PTPRN2: variants seen among roughly 807,000 people sequenced by gnomAD.
PTPRN2 encodes the protein protein tyrosine phosphatase receptor type N2, also known as receptor-type tyrosine-protein phosphatase N2.
Under a neutral mutation model 118.8 loss-of-function variants are expected in PTPRN2, and 74 were observed. That is an observed-to-expected ratio of 0.62 (90% CI 0.52 to 0.76). The LOEUF (loss-of-function observed/expected upper bound fraction) is 0.76. Among genes scored for constraint, PTPRN2 ranks in the 30% least tolerant of loss-of-function variants. The pLI is 0.00. For missense variants in PTPRN2, 1,481 were observed against 1,394.4 expected (o/e 1.06, Z -0.99); for synonymous variants, 641 against 608.0 (o/e 1.05, Z -0.80).
At chr7:158,331,575 ACAC>A in intron 2 of PTPRN2, among the ~76,000 whole-genome samples, 1 of 140,780 alleles carries the variant, frequency 7.1e-6, no homozygotes, top group Non-Finnish European at 1.5e-5. Context: ...ACTCACACCC[ACAC>A]TCTCACCATA....
intron 12 of PTPRN2, among the ~76,000 whole-genome samples, chr7:157,867,945 G>C (rs773411317): frequency 6.6e-6 from 1 of 152,150 alleles, no homozygotes; most frequent in African/African-American, 2.4e-5. Flanking sequence ...AGCAGGACTG[G>C]GGGCACCGTG....
chr7:157,553,343 C>T (rs531830644), intron 21 of PTPRN2, among the ~76,000 whole-genome samples: 2 of 152,258 alleles, frequency 1.3e-5, no homozygotes, highest in South Asian at 2.1e-4. Flanking sequence ...CACTGGCAAC[C>T]GCCCTCCCGA....
At chr7:157,984,789 C>A (rs1803642841) in intron 11 of PTPRN2, among the ~76,000 whole-genome samples, 1 of 152,220 alleles carries the variant, frequency 6.6e-6, no homozygotes, top group Non-Finnish European at 1.5e-5. Flanking sequence ...TAAAGACCTG[C>A]AGAAGCTCCC....
chr7:157,701,464 A>G (rs1585264517), intron 12 of PTPRN2, among the ~76,000 whole-genome samples: 1 of 152,254 alleles, frequency 6.6e-6, no homozygotes, highest in Non-Finnish European at 1.5e-5. Flanking sequence ...TATTTTCCAT[A>G]GAATGTGGTC....
rs1444936741 is a variant in PTPRN2, at chr7:157,627,436, G to A, written c.2197-5927C>T. 6.6e-6 allele frequency among the ~76,000 whole-genome samples: 1 copy of A among 152,216 alleles called. No homozygotes were observed. Among genetic ancestry groups the A allele is most frequent in the Non-Finnish European group, 1.5e-5 (1 of 68,042 alleles). ...GAAAACAGGGAGCGAAGAATTGGTG[G>A]TGAATCTCAGTCGATGCAGGCTGAA... On this transcript the variant is annotated intron_variant, in intron 14 of 22. Transcript: ENST00000389418. The surrounding 1 kb of genome is among the most constrained non-coding windows in gnomAD (Gnocchi z 4.2).
chr7:157,692,485 T>C (rs1354619107), intron 12 of PTPRN2, among the ~76,000 whole-genome samples: 4 of 152,228 alleles, frequency 2.6e-5, no homozygotes, highest in East Asian at 3.9e-4. Context: ...TCCACAGATA[T>C]GAGTACGGTG....
intron 2 of PTPRN2, among the ~76,000 whole-genome samples, chr7:158,361,430 C>A (rs1275787955): frequency 6.6e-6 from 1 of 152,234 alleles, no homozygotes; most frequent in Non-Finnish European, 1.5e-5. Context: ...TCCATCCTTG[C>A]CCAGACCCCA....
At chr7:158,419,633 T>G (rs1474781237) in intron 2 of PTPRN2, among the ~76,000 whole-genome samples, 1 of 152,062 alleles carries the variant, frequency 6.6e-6, no homozygotes, top group Non-Finnish European at 1.5e-5. Flanking sequence ...CACGCAGCAC[T>G]GCAGCTGGAA....
At chr7:158,343,328 C>T (rs973580783) in intron 2 of PTPRN2, among the ~76,000 whole-genome samples, 1 of 151,874 alleles carries the variant, frequency 6.6e-6, no homozygotes, top group African/African-American at 2.4e-5. Flanking sequence ...CAAGGCAACG[C>T]AAATCAAAAC....
intron 3 of PTPRN2, among the ~76,000 whole-genome samples, chr7:158,298,108 C>CT (rs753869231): frequency 6.6e-6 from 1 of 152,062 alleles, no homozygotes; most frequent in Non-Finnish European, 1.5e-5. Context: ...TACTTATGCC[C>CT]TTTTTTGTCA....
chr7:157,800,933 C>G (rs1051281368), intron 12 of PTPRN2, among the ~76,000 whole-genome samples: 10 of 151,308 alleles, frequency 6.6e-5, no homozygotes, highest in Non-Finnish European at 1.5e-5. Flanking sequence ...GCCTGGGCAA[C>G]AGAGAGAGAC....
At chr7:157,577,478 C>G (rs780819842) in intron 18 of PTPRN2, among the ~76,000 whole-genome samples, 12 of 152,276 alleles carry the variant, frequency 7.9e-5, no homozygotes, top group Non-Finnish European at 2.9e-5. Flanking sequence ...GGCAGAAAAT[C>G]CAGCCAGATA....
chr7:157,975,960 T>C (rs1018173007), intron 11 of PTPRN2, among the ~76,000 whole-genome samples: 3 of 152,004 alleles, frequency 2.0e-5, no homozygotes, highest in African/African-American at 7.2e-5. Context: ...AGGTGGGGTG[T>C]TGTACCCCAT....
chr7:158,071,174 T>G (rs1258592072), intron 11 of PTPRN2, among the ~76,000 whole-genome samples: 61 of 4,540 alleles, frequency 0.013, 2 homozygotes, highest in Non-Finnish European at 0.015. Context: ...GGAGGTGCTC[T>G]TAGTATGGAG....
intron 12 of PTPRN2, among the ~76,000 whole-genome samples, chr7:157,882,224 C>T (rs1163548935): frequency 3.3e-5 from 5 of 151,306 alleles, no homozygotes; most frequent in Non-Finnish European, 7.4e-5. Flanking sequence ...ACCAGATACA[C>T]CACCCCAAAA....
In PTPRN2 at chr7:157,972,393, T is replaced by G. The variant is rs78368287; in HGVS notation, c.1724-73656A>C. Among the ~76,000 whole-genome samples the G allele has an allele frequency of 1.8e-3, 275 of 152,348 alleles. 1 individual carries two copies. Among genetic ancestry groups the G allele is most frequent in the African/African-American group, 6.1e-3 (254 of 41,568 alleles). ...AGCACATGGGCATTAACCTGCTGAC[T>G]GACAGCAGCTCAGGACGAGAGAATG... On this transcript the variant is annotated intron_variant, in intron 11 of 22. Transcript: ENST00000389418.
At chr7:158,001,955 A>G (rs949871554) in intron 11 of PTPRN2, among the ~76,000 whole-genome samples, 4 of 152,206 alleles carry the variant, frequency 2.6e-5, no homozygotes, top group Non-Finnish European at 4.4e-5. Flanking sequence ...AAGCTGGCCA[A>G]GCTGTCTCCA....
intron 3 of PTPRN2, among the ~76,000 whole-genome samples, chr7:158,246,868 A>T (rs2150875979): frequency 6.6e-6 from 1 of 152,220 alleles, no homozygotes; most frequent in Non-Finnish European, 1.5e-5. Context: ...AAGTCACAAG[A>T]CAGCTTCAGA....
chr7:158,408,261 T>C (rs1404046538), intron 2 of PTPRN2, among the ~76,000 whole-genome samples: 1 of 152,212 alleles, frequency 6.6e-6, no homozygotes, highest in Non-Finnish European at 1.5e-5. Context: ...TAAACATTAA[T>C]AAAATCATGA....
Sources: allele counts gnomAD v4.1 joint callset (sites outside exome capture counted in the v4.1 genomes callset), GRCh38; gene constraint gnomAD v4.1.1; non-coding constraint Gnocchi (gnomAD v3.1); transcripts MANE v1.5; gene names NCBI Gene and HGNC (gene_info 2026-07-23, HGNC 2026-07-21).